UTRN: variants seen among roughly 807,000 people sequenced by gnomAD.
UTRN encodes dystrophin-related protein 1.
Under a neutral mutation model 463.9 loss-of-function variants are expected in UTRN, and 283 were observed. That is an observed-to-expected ratio of 0.61 (90% confidence interval 0.55 to 0.67). The LOEUF is 0.67. UTRN is among the 30% of genes least tolerant of loss of function. The probability of loss-of-function intolerance (pLI) is 0.00; values close to 1 mark genes in which losing one functional copy is unlikely to be tolerated. For missense variants in UTRN, 3,922 were observed against 4,084.3 expected, an observed-to-expected ratio of 0.96 and a Z score of 1.08; for synonymous variants, 1,442 against 1,431.5, an observed-to-expected ratio of 1.01 and a Z score of -0.17.
Position 144,702,759 on chromosome 6 carries a change from G to A in UTRN, c.7809+2516G>A, listed in dbSNP as rs116626714. Among the ~76,000 whole-genome samples the A allele has an allele frequency of 7.8e-3, 1,195 of 152,242 alleles. 16 individuals carry two copies. Among genetic ancestry groups the A allele is most frequent in the African/African-American group, 0.027 (1,119 of 41,524 alleles). On this transcript the variant is annotated intron_variant, in intron 53 of 74. Transcript: ENST00000367545. ...AGGCAGAGAGCACAAAGGCCACAGAGCCTGCAATGTTTGGGGCATATTTGA... is the reference window on the plus strand; with the variant it reads ...AGGCAGAGAGCACAAAGGCCACAGAACCTGCAATGTTTGGGGCATATTTGA...
At chr6:144,550,857 C>T (rs2128611685) in intron 47 of UTRN, 108 bp from the exon 48 acceptor site, 1 of 879,686 alleles carries the variant, frequency 1.1e-6, no homozygotes, top group Middle Eastern at 3.7e-4. Flanking sequence ...TTCACTATGC[C>T]ATAGAGGAGG....
At chr6:144,824,603 TATATA>T (rs1562954998) in intron 66 of UTRN, among the ~76,000 whole-genome samples, 2 of 52,692 alleles carry the variant, frequency 3.8e-5, no homozygotes, top group African/African-American at 2.5e-4. Context: ...TATATATATA[TATATA>T]TATATCTTTT....
chr6:144,472,507 A>G lies in UTRN; in HGVS notation c.3067-1213A>G, dbSNP rs539890963. 6.6e-5 allele frequency among the ~76,000 whole-genome samples: 10 copies of G among 152,300 alleles called. No individual in the cohort carries two copies. The East Asian group carries it at 1.5e-3, about 23-fold the overall frequency. On this transcript the variant is annotated intron_variant, in intron 23 of 74. Transcript: ENST00000367545. ...TAAACTAGTTAGATCTTTGTGATCAATTCAAACATTATAAGGATCAGAATA... is the reference window on the plus strand; with the variant it reads ...TAAACTAGTTAGATCTTTGTGATCAGTTCAAACATTATAAGGATCAGAATA...
chr6:144,529,789 TA>T lies in UTRN; in HGVS notation c.5907-1257del, dbSNP rs1481822804. 2.6e-5 allele frequency among the ~76,000 whole-genome samples: 4 copies of T among 152,094 alleles called. No individual in the cohort carries two copies. In the East Asian group the frequency reaches 5.8e-4, roughly 22 times the overall value. Reference sequence around the variant, plus strand: ...TATTGATATTAGGAGCCATTTTATTTAAAAAATATATATTTTATTAATATTG... The same window carrying T: ...TATTGATATTAGGAGCCATTTTATTTAAAAATATATATTTTATTAATATTG... On this transcript the variant is annotated intron_variant, in intron 41 of 74. Transcript: ENST00000367545.
intron 2 of UTRN, among the ~76,000 whole-genome samples, chr6:144,402,264 T>A (rs1782996977): frequency 6.6e-6 from 1 of 152,230 alleles, no homozygotes. Flanking sequence ...CTAGGTATTA[T>A]TTATCCCCAT....
chr6:144,612,621 T>C (rs920805211), intron 51 of UTRN, among the ~76,000 whole-genome samples: 2 of 152,046 alleles, frequency 1.3e-5, no homozygotes, highest in African/African-American at 4.8e-5. Context: ...CACTAATTAC[T>C]TGGGAAATGC....
chr6:144,511,082 C>T lies in UTRN; in HGVS notation c.4903C>T (p.Arg1635Ter), dbSNP rs895815595. 1.2e-6 allele frequency: 2 copies of T among 1,608,982 alleles called. No homozygotes were observed. The highest frequency in any genetic ancestry group is 1.3e-5 in the African/African-American group (1 of 74,664). Residue 1635 changes from arginine (R) to a stop codon, truncating the protein, a stop_gained, in exon 35 of 75, where the codon CGA becomes TGA. Transcript: ENST00000367545. LOFTEE classifies it high-confidence loss of function. ...RLCVLNAGWS[R>*]VRTWTEDWCN... is the part of the protein sequence containing the mutation. ...CTGCGTCCTTAACGCTGGGTGGAGCCGAGTTCGTACCTGGACTGAAGATTG... is the reference window on the plus strand; with the variant it reads ...CTGCGTCCTTAACGCTGGGTGGAGCTGAGTTCGTACCTGGACTGAAGATTG...
chr6:144,802,641 C>T (rs1269971944), intron 64 of UTRN, among the ~76,000 whole-genome samples: 2 of 152,238 alleles, frequency 1.3e-5, no homozygotes, highest in African/African-American at 4.8e-5. Flanking sequence ...TCCTTTGTTA[C>T]ACAGTATTTC....
At chr6:144,569,547 C>T (rs1032720668) in intron 50 of UTRN, among the ~76,000 whole-genome samples, 1 of 152,150 alleles carries the variant, frequency 6.6e-6, no homozygotes, top group Admixed American at 6.6e-5. Flanking sequence ...TCATTTCCTC[C>T]TTCAAATATT....
intron 65 of UTRN, among the ~76,000 whole-genome samples, chr6:144,819,911 C>CCTCCTCTTCCTCCTCT (rs11397588): frequency 8.4e-6 from 1 of 118,610 alleles, no homozygotes; most frequent in South Asian, 2.8e-4. Flanking sequence ...TCCTCCTCCT[C>CCTCCTCTTCCTCCTCT]CTCTCTCTCT....
At chr6:144,467,395 G>A (rs78031955) in intron 23 of UTRN, among the ~76,000 whole-genome samples, 8 of 152,112 alleles carry the variant, frequency 5.3e-5, no homozygotes, top group Non-Finnish European at 5.9e-5. Context: ...CTCTTCCCAC[G>A]AGGCATGAGC....
intron 33 of UTRN, among the ~76,000 whole-genome samples, chr6:144,496,327 T>G (rs1256346624): frequency 1.3e-5 from 2 of 152,228 alleles, no homozygotes; most frequent in African/African-American, 4.8e-5. Context: ...GACCAGTTTA[T>G]ACTTTTTCTG....
chr6:144,525,763 G>T (rs1796518327), intron 41 of UTRN, among the ~76,000 whole-genome samples: 1 of 151,586 alleles, frequency 6.6e-6, no homozygotes, highest in Admixed American at 6.6e-5. Flanking sequence ...GTTCCTTGAG[G>T]TGTGACTTTA....
intron 51 of UTRN, among the ~76,000 whole-genome samples, chr6:144,580,512 C>G (rs1053439611): frequency 6.6e-6 from 1 of 152,116 alleles, no homozygotes; most frequent in African/African-American, 2.4e-5. Flanking sequence ...TGGGAGTATG[C>G]TATGATACAT....
At chr6:144,484,405 A>C (rs1275439610) in intron 27 of UTRN, among the ~76,000 whole-genome samples, 3 of 109,366 alleles carry the variant, frequency 2.7e-5, no homozygotes, top group Non-Finnish European at 5.9e-5. Context: ...ATTGGGAGCA[A>C]TTTTTTCATT....
intron 30 of UTRN, among the ~76,000 whole-genome samples, chr6:144,489,317 T>A (rs1792800323): frequency 6.6e-6 from 1 of 151,906 alleles, no homozygotes; most frequent in African/African-American, 2.4e-5. Flanking sequence ...TCCCAATAAT[T>A]TTTGTATTTT....
At chr6:144,768,836 C>A (rs2128731370) in intron 58 of UTRN, among the ~76,000 whole-genome samples, 1 of 152,260 alleles carries the variant, frequency 6.6e-6, no homozygotes, top group Middle Eastern at 3.4e-3. Flanking sequence ...ACAATTTTTC[C>A]CTGCACAGGC....
chr6:144,719,871 A>G (rs1184916671), intron 53 of UTRN, among the ~76,000 whole-genome samples: 1 of 152,214 alleles, frequency 6.6e-6, no homozygotes, highest in East Asian at 1.9e-4. Context: ...AGAAAAGTGC[A>G]TGTTAGCAAA....
intron 73 of UTRN, among the ~76,000 whole-genome samples, chr6:144,845,469 C>G (rs1364525054): frequency 6.6e-6 from 1 of 152,118 alleles, no homozygotes; most frequent in East Asian, 1.9e-4. Context: ...ATCAAAAACC[C>G]AAAACCCACT....
Sources: gnomAD v4.1 joint callset for allele counts (sites outside exome capture counted in the v4.1 genomes callset) on GRCh38, gnomAD v4.1.1 for gene constraint, MANE v1.5 for transcripts, NCBI Gene and HGNC (gene_info 2026-07-23, HGNC 2026-07-21) for gene names.